Variants in RAPGEF4 observed in about 807,000 individuals in gnomAD.
RAPGEF4 encodes the protein RAP guanine-nucleotide-exchange factor (GEF) 4.
A neutral mutation model predicts 147.9 loss-of-function variants in RAPGEF4; 66 were observed. The observed-to-expected ratio is 0.45, with a 90% confidence interval of 0.37 to 0.55. The LOEUF (loss-of-function observed/expected upper bound fraction) is 0.55, where lower values mean the gene tolerates loss of function less well. RAPGEF4 is among the 20% of genes least tolerant of loss of function. The pLI is 0.00. For missense variants in RAPGEF4, 1,071 were observed against 1,257.3 expected, an observed-to-expected ratio of 0.85 and a Z score of 2.24; for synonymous variants, 419 against 442.7, an observed-to-expected ratio of 0.95 and a Z score of 0.67.
intron 4 of RAPGEF4, among the ~76,000 whole-genome samples, chr2:172,855,736 A>G (rs1168938625): frequency 6.6e-6 from 1 of 152,178 alleles, no homozygotes; most frequent in Non-Finnish European, 1.5e-5. Context: ...TTCTAGCTTG[A>G]CAAGTGTTGT....
intron 17 of RAPGEF4, among the ~76,000 whole-genome samples, chr2:173,007,445 A>G (rs1694594557): frequency 6.6e-6 from 1 of 152,226 alleles, no homozygotes; most frequent in African/African-American, 2.4e-5. Flanking sequence ...ACAGACTTAA[A>G]CCCAGAAATG....
chr2:172,823,434 G>T (rs1411217558), intron 4 of RAPGEF4, among the ~76,000 whole-genome samples: 4 of 152,192 alleles, frequency 2.6e-5, no homozygotes, highest in Non-Finnish European at 4.4e-5. Context: ...GGAGAAATCC[G>T]CTCTGGGGTT....
At chr2:172,998,376 G>A (rs1050738675) in intron 16 of RAPGEF4, among the ~76,000 whole-genome samples, 4 of 152,168 alleles carry the variant, frequency 2.6e-5, no homozygotes, top group Admixed American at 1.3e-4. Context: ...GTTGGAAAAC[G>A]AAGGAAAGGT....
At chr2:173,038,084 C>A (rs1210382029) in intron 29 of RAPGEF4, among the ~76,000 whole-genome samples, 1 of 152,156 alleles carries the variant, frequency 6.6e-6, no homozygotes, top group Non-Finnish European at 1.5e-5. Flanking sequence ...AACACGAGTA[C>A]ACACTCCTCA....
intron 1 of RAPGEF4, among the ~76,000 whole-genome samples, chr2:172,768,700 G>C (rs1211435930): frequency 6.6e-6 from 1 of 152,080 alleles, no homozygotes; most frequent in Non-Finnish European, 1.5e-5. Flanking sequence ...TAACTCCAAA[G>C]TACCAAAGAT....
At chr2:172,986,588 G>A (rs1262962222) in intron 12 of RAPGEF4, among the ~76,000 whole-genome samples, 1 of 150,838 alleles carries the variant, frequency 6.6e-6, no homozygotes, top group Non-Finnish European at 1.5e-5. Flanking sequence ...CTTGCTAATT[G>A]TTTTCATTTT....
intron 29 of RAPGEF4, among the ~76,000 whole-genome samples, chr2:173,046,625 T>C (rs1685504810): frequency 6.6e-6 from 1 of 152,172 alleles, no homozygotes; most frequent in Non-Finnish European, 1.5e-5. Flanking sequence ...AGCAGGGAAG[T>C]TATCATAGTT....
At chr2:172,862,491 C>T (rs1195812179) in intron 4 of RAPGEF4, among the ~76,000 whole-genome samples, 2 of 152,178 alleles carry the variant, frequency 1.3e-5, no homozygotes, top group Non-Finnish European at 2.9e-5. Flanking sequence ...GTTCTAGATA[C>T]ATGCTGTAAC....
chr2:172,974,298 C>T (rs1305959548), intron 10 of RAPGEF4, among the ~76,000 whole-genome samples: 1 of 152,176 alleles, frequency 6.6e-6, no homozygotes, highest in African/African-American at 2.4e-5. Context: ...ACTACCATAA[C>T]CTGCCATCGT....
At chr2:172,918,634 C>T (rs943922995) in intron 5 of RAPGEF4, among the ~76,000 whole-genome samples, 4 of 152,064 alleles carry the variant, frequency 2.6e-5, no homozygotes, top group Admixed American at 6.5e-5. Flanking sequence ...CAAAGAAACC[C>T]GTATGTCCCC....
rs373669954 is a variant in RAPGEF4 at position 173,024,489 on chromosome 2, T to G, written c.2254-2083T>G. ...GCCTCGGCCTCCCAAAGTGCTGGGA[T>G]TACAGGCGTGAGCCACCGCGCCCGG... On this transcript the variant is annotated intron_variant, in intron 23 of 30. Transcript: ENST00000397081. 1.1e-4 allele frequency among the ~76,000 whole-genome samples: 16 copies of G among 140,628 alleles called. 2 individuals carry two copies. Among genetic ancestry groups the G allele is most frequent in the East Asian group, 1.1e-3 (5 of 4,590 alleles). 92.3% of individuals were successfully genotyped at this position (140,628 alleles called of 152,430 possible).
chr2:172,799,635 G>C (rs1686766733), intron 3 of RAPGEF4, among the ~76,000 whole-genome samples: 6 of 152,190 alleles, frequency 3.9e-5, no homozygotes, highest in Non-Finnish European at 8.8e-5. Context: ...ATTCTGCTCA[G>C]TTCCTCCTGC....
intron 6 of RAPGEF4, among the ~76,000 whole-genome samples, chr2:172,949,048 GA>G (rs1357811577): frequency 6.6e-6 from 1 of 152,096 alleles, no homozygotes; most frequent in Non-Finnish European, 1.5e-5. Context: ...TCCTAGGCAG[GA>G]AAAAGCAAAA....
Position 172,795,175 on chromosome 2 carries a change from A to T in RAPGEF4, c.208+8A>T, listed in dbSNP as rs1227741504. 2 of 1,599,044 alleles carry T rather than the reference A, an allele frequency of 1.3e-6. No homozygotes were observed. Among genetic ancestry groups the T allele is most frequent in the African/African-American group, 2.7e-5 (2 of 74,700 alleles). On this transcript the variant is annotated splice_region_variant and intron_variant, in intron 2 of 30. Transcript: ENST00000397081. ...TGGAAAAGGGAATAACATGTAAGAA[A>T]TGCAACTCTTGTAGTATATTTCCAT...
chr2:172,828,671 C>T (rs1348935724), intron 4 of RAPGEF4, among the ~76,000 whole-genome samples: 1 of 152,152 alleles, frequency 6.6e-6, no homozygotes, highest in East Asian at 1.9e-4. Flanking sequence ...AACTACTGCT[C>T]CTGCCTGGGT....
At position 172,967,431 on chromosome 2, in the gene RAPGEF4, A is replaced by T. The variant is rs992884789; in HGVS notation, c.991A>T (p.Ile331Phe). The change falls in exon 10 of 31, where the codon ATC becomes TTC. Residue 331 changes from isoleucine to phenylalanine, a missense_variant. Transcript: ENST00000397081. ...GGGCCCCGACGCCCACATGAGGATG[A>T]TCCTTCGCAAACCGTGAGTGAGAGC... ...QMGPDAHMRM[I>F]LRKPPGQRTV... is the part of the protein sequence containing the mutation. 1 of 1,611,190 alleles carries T rather than the reference A, an allele frequency of 6.2e-7. No individual in the cohort carries two copies. The highest frequency in any genetic ancestry group is 8.5e-7 in the Non-Finnish European group (1 of 1,179,478).
At chr2:172,967,092 T>C in intron 9 of RAPGEF4, 169 bp from the exon 10 acceptor site, 1 of 631,458 alleles carries the variant, frequency 1.6e-6, no homozygotes, top group South Asian at 2.0e-5. Context: ...AGCCCCGAGG[T>C]CATGTCTTCC....
At chr2:172,976,059 T>C (rs1360954752) in intron 10 of RAPGEF4, among the ~76,000 whole-genome samples, 1 of 152,238 alleles carries the variant, frequency 6.6e-6, no homozygotes, top group Non-Finnish European at 1.5e-5. Flanking sequence ...CTCACAAGTA[T>C]TCATAAAGCT....
chr2:172,765,961 G>GT (rs1256268676), intron 1 of RAPGEF4, among the ~76,000 whole-genome samples: 1 of 152,194 alleles, frequency 6.6e-6, no homozygotes, highest in Non-Finnish European at 1.5e-5. Flanking sequence ...ACCCTGGGCT[G>GT]TTCTCTGTGT....
Sources: allele counts gnomAD v4.1 joint callset (sites outside exome capture counted in the v4.1 genomes callset), GRCh38; gene constraint gnomAD v4.1.1; transcripts MANE v1.5; gene names NCBI Gene and HGNC (gene_info 2026-07-23, HGNC 2026-07-21).